Variants in KIAA1328 observed in about 807,000 individuals in gnomAD.
KIAA1328 encodes protein hinderin.
KIAA1328 carries 52 observed loss-of-function variants against 68.1 expected under a neutral mutation model. That is an observed-to-expected ratio of 0.76 (90% CI 0.61 to 0.96). The LOEUF is 0.96. Ranked by LOEUF, KIAA1328 falls within the 40% of genes least tolerant of loss-of-function variation. KIAA1328 has a pLI of 0.00. For missense variants in KIAA1328, 641 were observed against 677.6 expected (o/e 0.95, Z 0.60); for synonymous variants, 232 against 239.4 (o/e 0.97, Z 0.28).
chr18:37,106,634 G>C (rs1171339709), intron 7 of KIAA1328, among the ~76,000 whole-genome samples: 1 of 151,978 alleles, frequency 6.6e-6, no homozygotes, highest in African/African-American at 2.4e-5. Flanking sequence ...GGCCAGGCTG[G>C]TCTCGAACTC....
chr18:37,038,533 A>G (rs572820579), intron 6 of KIAA1328, among the ~76,000 whole-genome samples: 2 of 152,172 alleles, frequency 1.3e-5, no homozygotes, highest in Non-Finnish European at 2.9e-5. Context: ...ATATAAAAAT[A>G]TAATTGATGT....
chr18:36,879,398 T>C (rs1333384418), intron 4 of KIAA1328, among the ~76,000 whole-genome samples: 1 of 152,200 alleles, frequency 6.6e-6, no homozygotes. Flanking sequence ...TCTGAAAGCT[T>C]CCTCACAGAG....
At chr18:36,974,959 T>C (rs549908088) in intron 6 of KIAA1328, among the ~76,000 whole-genome samples, 1 of 152,290 alleles carries the variant, frequency 6.6e-6, no homozygotes, top group Admixed American at 6.5e-5. Flanking sequence ...CAAGTCTTGA[T>C]CTGGAACCAG....
intron 7 of KIAA1328, among the ~76,000 whole-genome samples, chr18:37,147,273 C>T (rs146935992): frequency 4.1e-4 from 62 of 152,268 alleles, no homozygotes; most frequent in Non-Finnish European, 7.5e-4. Context: ...TATTTATAAT[C>T]GTGAATTTAA....
chr18:37,136,392 G>A (rs2058645346), intron 7 of KIAA1328, among the ~76,000 whole-genome samples: 5 of 152,180 alleles, frequency 3.3e-5, no homozygotes, highest in Admixed American at 3.3e-4. Flanking sequence ...TCCTCATAGT[G>A]TCTTTCTCGT....
intron 6 of KIAA1328, among the ~76,000 whole-genome samples, chr18:37,036,106 A>G (rs2055016240): frequency 6.6e-6 from 1 of 152,204 alleles, no homozygotes; most frequent in South Asian, 2.1e-4. Context: ...GTAATGGCCA[A>G]AAAAAGGGTC....
chr18:37,060,989 C>T (rs1452030523), intron 6 of KIAA1328, among the ~76,000 whole-genome samples: 2 of 152,094 alleles, frequency 1.3e-5, no homozygotes, highest in African/African-American at 2.4e-5. Flanking sequence ...GTGGTGTGTG[C>T]CTGTAGTCCC....
At chr18:37,082,355 A>G (rs2056976876) in intron 7 of KIAA1328, among the ~76,000 whole-genome samples, 1 of 152,002 alleles carries the variant, frequency 6.6e-6, no homozygotes, top group African/African-American at 2.4e-5. Context: ...TATTTTTAGT[A>G]GAAATGGGAT....
chr18:36,967,689 G>T (rs1417774523), intron 6 of KIAA1328, among the ~76,000 whole-genome samples: 1 of 152,080 alleles, frequency 6.6e-6, no homozygotes, highest in Admixed American at 6.6e-5. Context: ...CATTGAGAGT[G>T]GGCAGAAGGA....
chr18:36,877,740 C>T (rs1484384411), intron 4 of KIAA1328, among the ~76,000 whole-genome samples: 4 of 148,064 alleles, frequency 2.7e-5, no homozygotes, highest in African/African-American at 5.0e-5. Flanking sequence ...GATCTCGACT[C>T]ACTGCAAGCT....
chr18:37,105,513 A>AG (rs2057745699), intron 7 of KIAA1328, among the ~76,000 whole-genome samples: 1 of 151,558 alleles, frequency 6.6e-6, no homozygotes, highest in African/African-American at 2.4e-5. Flanking sequence ...AAAAAAAAAA[A>AG]AAAAAAAAGA....
At chr18:37,041,035 G>A (rs1301275844) in intron 6 of KIAA1328, among the ~76,000 whole-genome samples, 1 of 151,620 alleles carries the variant, frequency 6.6e-6, no homozygotes, top group African/African-American at 2.4e-5. Context: ...CTATTGTTGG[G>A]TAGAGCAATC....
chr18:36,868,895 A>G (rs959047910), intron 4 of KIAA1328, among the ~76,000 whole-genome samples: 3 of 152,180 alleles, frequency 2.0e-5, no homozygotes, highest in African/African-American at 7.2e-5. Context: ...TTCCCGTTGT[A>G]AAATGAATAA....
chr18:37,104,109 A>G (rs2057702444), intron 7 of KIAA1328, among the ~76,000 whole-genome samples: 1 of 152,228 alleles, frequency 6.6e-6, no homozygotes, highest in Admixed American at 6.5e-5. Context: ...AACAATATGA[A>G]GATTTCTCAA....
intron 6 of KIAA1328, among the ~76,000 whole-genome samples, chr18:37,015,914 G>A (rs1416719210): frequency 2.6e-5 from 4 of 152,158 alleles, no homozygotes; most frequent in Non-Finnish European, 2.9e-5. Flanking sequence ...AGTCTTTAGG[G>A]TTTCCTGGAT....
intron 9 of KIAA1328, among the ~76,000 whole-genome samples, chr18:37,182,813 TTAAATTCAAC>T (rs1393482726): frequency 2.0e-5 from 3 of 152,206 alleles, no homozygotes; most frequent in Non-Finnish European, 2.9e-5. Context: ...GCTCATAGGA[TTAAATTCAAC>T]TATGTATGCA....
chr18:36,882,991 C>T (rs2048371585), intron 4 of KIAA1328, among the ~76,000 whole-genome samples: 1 of 152,148 alleles, frequency 6.6e-6, no homozygotes, highest in African/African-American at 2.4e-5. Flanking sequence ...CTTTTGGAAA[C>T]TCTATACTGA....
intron 6 of KIAA1328, among the ~76,000 whole-genome samples, chr18:37,028,294 G>GT (rs2054677355): frequency 6.6e-6 from 1 of 152,136 alleles, no homozygotes; most frequent in Middle Eastern, 3.4e-3. Context: ...TTTGTGTATG[G>GT]TTTTTGTGAT....
At chr18:36,867,290 T>TC (rs1435396749) in intron 4 of KIAA1328, among the ~76,000 whole-genome samples, 4 of 152,148 alleles carry the variant, frequency 2.6e-5, no homozygotes, top group Non-Finnish European at 5.9e-5. Flanking sequence ...ATATGGCACC[T>TC]CCCCCACCAT....
Sources: gnomAD v4.1 joint callset for allele counts (sites outside exome capture counted in the v4.1 genomes callset) on GRCh38, gnomAD v4.1.1 for gene constraint, MANE v1.5 for transcripts, NCBI Gene and HGNC (gene_info 2026-07-23, HGNC 2026-07-21) for gene names.